Variants in SUSD6 observed in about 807,000 individuals in gnomAD.
SUSD6 encodes the protein sushi domain containing 6.
SUSD6 carries 16 observed loss-of-function variants against 28.4 expected under a neutral mutation model. The observed-to-expected ratio is 0.56, with a 90% CI of 0.38 to 0.86. SUSD6 has a LOEUF of 0.86. Among genes scored for constraint, SUSD6 ranks in the 40% least tolerant of loss-of-function variants. The pLI is 0.00. For synonymous variants in SUSD6, 147 were observed against 159.6 expected (o/e 0.92, Z 0.59); for missense variants, 341 against 384.2 (o/e 0.89, Z 0.94).
At chr14:69,691,148 C>T (rs1886147334) in intron 2 of SUSD6, among the ~76,000 whole-genome samples, 1 of 152,136 alleles carries the variant, frequency 6.6e-6, no homozygotes, top group East Asian at 1.9e-4. Flanking sequence ...TCAAGACCAG[C>T]CCAGGCAACA....
Position 69,693,853 on chromosome 14 carries a change from C to G in SUSD6, c.122-9542C>G, listed in dbSNP as rs1175869123. 6.6e-5 allele frequency among the ~76,000 whole-genome samples: 10 copies of G among 152,268 alleles called. No individual in the cohort carries two copies. The East Asian group carries it at 1.9e-3, about 29-fold the overall frequency. On this transcript the variant is annotated intron_variant, in intron 2 of 5. Coordinates refer to ENST00000342745, the MANE Select transcript of SUSD6 (RefSeq NM_014734.4). ...GCTCTTACTCCATGTGGCTCTGGTC[C>G]TGTTAGGTAGGCAGTGTATTTTCAC...
intron 2 of SUSD6, among the ~76,000 whole-genome samples, chr14:69,685,864 T>G (rs1298396318): frequency 2.0e-5 from 3 of 152,212 alleles, no homozygotes; most frequent in Non-Finnish European, 4.4e-5. Flanking sequence ...CGATTGCCTT[T>G]GTGTAATGAA....
At chr14:69,705,039 C>T (rs1295248815) in intron 4 of SUSD6, among the ~76,000 whole-genome samples, 3 of 152,092 alleles carry the variant, frequency 2.0e-5, no homozygotes, top group Non-Finnish European at 4.4e-5. Context: ...ACTGAGGCTG[C>T]GCGCGGTGGC....
intron 2 of SUSD6, among the ~76,000 whole-genome samples, chr14:69,672,883 G>T (rs903853074): frequency 5.9e-5 from 9 of 152,236 alleles, no homozygotes; most frequent in African/African-American, 2.2e-4. Flanking sequence ...CCTAGAGCTG[G>T]CATGAAAAGG....
intron 2 of SUSD6, among the ~76,000 whole-genome samples, chr14:69,670,084 G>A (rs961559406): frequency 2.6e-5 from 4 of 152,190 alleles, no homozygotes; most frequent in Non-Finnish European, 5.9e-5. Context: ...GGCAGATTGG[G>A]TTTTGTATTT....
chr14:69,695,157 C>T (rs1441144366), intron 2 of SUSD6, among the ~76,000 whole-genome samples: 1 of 151,914 alleles, frequency 6.6e-6, no homozygotes, highest in Admixed American at 6.5e-5. Context: ...GAAACCATCT[C>T]ACTTCCCTCT....
At chr14:69,649,624 G>T (rs1885475424) in intron 1 of SUSD6, among the ~76,000 whole-genome samples, 1 of 152,112 alleles carries the variant, frequency 6.6e-6, no homozygotes, top group Non-Finnish European at 1.5e-5. Flanking sequence ...GCACTTGGGG[G>T]CAGAGAATTG....
chr14:69,620,134 T>C lies in SUSD6; in HGVS notation c.-81+8306T>C, dbSNP rs1288650504. On this transcript the variant is annotated intron_variant, in intron 1 of 5. Coordinates refer to ENST00000342745, the MANE Select transcript of SUSD6 (RefSeq NM_014734.4). The stretch of plus-strand genomic sequence containing the variant: ...ATATGTTATCTGGTCTACCCCTTTA[T>C]CAATCCTCCATCTGCCTCCAGGTAG... Among the ~76,000 whole-genome samples, 5 of 152,320 alleles carry C rather than the reference T, an allele frequency of 3.3e-5. No homozygotes were observed. In the East Asian group the frequency reaches 7.7e-4, roughly 24 times the overall value.
At chr14:69,631,774 T>C (rs2139597450) in intron 1 of SUSD6, among the ~76,000 whole-genome samples, 1 of 152,294 alleles carries the variant, frequency 6.6e-6, no homozygotes, top group East Asian at 1.9e-4. Context: ...TGCAAAAGAA[T>C]GTTTGCCATC....
chr14:69,694,460 C>A (rs1886195373), intron 2 of SUSD6, among the ~76,000 whole-genome samples: 1 of 152,194 alleles, frequency 6.6e-6, no homozygotes, highest in Non-Finnish European at 1.5e-5. Flanking sequence ...TCAGCCCAAG[C>A]TGGTAAGCTC....
rs1309026909 is a variant in SUSD6, at chr14:69,658,668, C to G, written c.76C>G (p.Pro26Ala). 1.9e-6 allele frequency: 3 copies of G among 1,613,972 alleles called. No individual in the cohort carries two copies. The highest frequency in any genetic ancestry group is 2.5e-6 in the Non-Finnish European group (3 of 1,179,976). ...VASVGHGVFLPLVILCTLLGD... is the reference protein window; with the variant it reads ...VASVGHGVFLALVILCTLLGD... ...CTCCGTGGGACATGGAGTGTTCCTTCCGCTAGTGATCCTTTGCACCCTGCT... is the reference window on the plus strand; with the variant it reads ...CTCCGTGGGACATGGAGTGTTCCTTGCGCTAGTGATCCTTTGCACCCTGCT... Residue 26 changes from proline (P) to alanine (A), a missense_variant, in exon 2 of 6, where the codon CCG becomes GCG. Transcript: ENST00000342745.
Position 69,638,423 on chromosome 14 carries a change from A to AGTGTGTGTGTGTGTGT in SUSD6, c.-80-20069_-80-20054dup, listed in dbSNP as rs10637124. ...GGTTCTGAACTGGGGTGGGGTGGGG[A>AGTGTGTGTGTGTGTGT]GTGTGTGTGTGTGTGTGTGTGTGTG... On this transcript the variant is annotated intron_variant, in intron 1 of 5. Coordinates refer to ENST00000342745, the MANE Select transcript of SUSD6 (RefSeq NM_014734.4). Among the ~76,000 whole-genome samples, 120 of 139,242 alleles carry AGTGTGTGTGTGTGTGT rather than the reference A, an allele frequency of 8.6e-4. 1 individual carries two copies. Among genetic ancestry groups the AGTGTGTGTGTGTGTGT allele is most frequent in the African/African-American group, 1.7e-3 (63 of 36,704 alleles). The allele number at this position is 139,242 out of a possible 152,430, so 91.3% of individuals were successfully genotyped here. A position where few individuals can be genotyped will look rare whatever the true frequency, so the allele number is the denominator to read the frequency against.
intron 1 of SUSD6, among the ~76,000 whole-genome samples, chr14:69,656,885 C>T (rs1053979150): frequency 6.6e-6 from 1 of 152,202 alleles, no homozygotes; most frequent in Admixed American, 6.5e-5. Flanking sequence ...TTGGTGGTCA[C>T]TCACAGACTC....
chr14:69,623,721 T>G (rs1885074981), intron 1 of SUSD6, among the ~76,000 whole-genome samples: 1 of 152,220 alleles, frequency 6.6e-6, no homozygotes, highest in Admixed American at 6.5e-5. Flanking sequence ...GTGATATAGA[T>G]GATCCTTACC....
At chr14:69,667,750 T>C (rs1207004836) in intron 2 of SUSD6, among the ~76,000 whole-genome samples, 1 of 152,164 alleles carries the variant, frequency 6.6e-6, no homozygotes, top group African/African-American at 2.4e-5. Flanking sequence ...TGTGGCTCTC[T>C]GTTTTATACC....
chr14:69,677,539 T>G (rs866713942), intron 2 of SUSD6, among the ~76,000 whole-genome samples: 9 of 101,134 alleles, frequency 8.9e-5, no homozygotes, highest in African/African-American at 3.8e-4. Context: ...AGAGTGAGAC[T>G]CCGTCTCAAA....
chr14:69,667,536 C>T (rs1022805014), intron 2 of SUSD6, among the ~76,000 whole-genome samples: 3 of 151,850 alleles, frequency 2.0e-5, no homozygotes, highest in African/African-American at 7.3e-5. Flanking sequence ...GCCGCCACAC[C>T]CAGCTAATTT....
intron 1 of SUSD6, among the ~76,000 whole-genome samples, chr14:69,622,383 G>C (rs966369902): frequency 2.0e-5 from 3 of 152,050 alleles, no homozygotes; most frequent in Non-Finnish European, 2.9e-5. Flanking sequence ...GCCCAGGCCG[G>C]TCTTGAGCTC....
intron 1 of SUSD6, among the ~76,000 whole-genome samples, chr14:69,655,451 A>T (rs888016730): frequency 1.2e-4 from 19 of 152,170 alleles, no homozygotes; most frequent in Non-Finnish European, 2.8e-4. Context: ...GTATATGTGC[A>T]TTTTTTTGGA....
Sources: gnomAD v4.1 joint callset for allele counts (sites outside exome capture counted in the v4.1 genomes callset) on GRCh38, gnomAD v4.1.1 for gene constraint, MANE v1.5 for transcripts, NCBI Gene and HGNC (gene_info 2026-07-23, HGNC 2026-07-21) for gene names.